Variants in CELF2 observed in about 807,000 individuals in gnomAD.
The protein encoded by CELF2 is CUG triplet repeat RNA-binding protein 2.
CELF2 carries 8 observed loss-of-function variants against 62.6 expected under a neutral mutation model. The observed-to-expected ratio is 0.13, with a 90% CI of 0.07 to 0.23. The LOEUF (loss-of-function observed/expected upper bound fraction) is 0.23, where lower values mean the gene tolerates loss of function less well. Among genes scored for constraint, CELF2 ranks in the 10% least tolerant of loss-of-function variants. CELF2 has a pLI of 1.00. For missense variants in CELF2, 333 were observed against 671.0 expected, an observed-to-expected ratio of 0.50 and a Z score of 5.56; for synonymous variants, 258 against 250.0, an observed-to-expected ratio of 1.03 and a Z score of -0.30.
In CELF2 at chr10:11,306,003, C is replaced by T. The variant is rs540776703; in HGVS notation, c.977-8136C>T. 2.5e-4 allele frequency among the ~76,000 whole-genome samples: 38 copies of T among 152,280 alleles called. No homozygotes were observed. The highest frequency in any genetic ancestry group is 8.4e-4 in the African/African-American group (35 of 41,518). On this transcript the variant is annotated intron_variant, in intron 9 of 12. Coordinates refer to ENST00000633077, the MANE Select transcript of CELF2 (RefSeq NM_001326342.2). The surrounding 1 kb of genome is among the most constrained non-coding windows in gnomAD (Gnocchi z 4.4). ...ATAAAACCATGGCCATCCTTGCCTG[C>T]TCAACCATTCTCTTTCCTGGCACGC...
Position 10,801,619 on chromosome 10 carries a change from G to C in CELF2, c.53+2802G>C, listed in dbSNP as rs144043751. On this transcript the variant is annotated intron_variant, in intron 1 of 13. Coordinates refer to the CELF2 transcript ENST00000636488. ...GTGAGAGGCCCCATTCTGGTAAAGA[G>C]AAAGAGCAGTTACTGTCCTCATCTG... Among the ~76,000 whole-genome samples the C allele has an allele frequency of 1.5e-4, 23 of 152,296 alleles. No individual in the cohort carries two copies. The East Asian group carries it at 4.4e-3, about 29-fold the overall frequency.
At chr10:10,725,853 C>G in the CELF2 span, among the ~76,000 whole-genome samples, 5 of 151,602 alleles carry the variant, frequency 3.3e-5, no homozygotes, top group African/African-American at 1.2e-4. Context: ...TTTATTTTGC[C>G]ATACCGATAG....
In CELF2 at chr10:11,280,982, CTGTGTGCG is replaced by C. The variant is rs1171633817; in HGVS notation, c.841+5869_841+5876del. 2.5e-5 allele frequency among the ~76,000 whole-genome samples: 3 copies of C among 119,874 alleles called. No individual in the cohort carries two copies. The highest frequency in any genetic ancestry group is 8.2e-5 in the Admixed American group (1 of 12,190). The allele number at this position is 119,874 out of a possible 152,430, so 78.6% of individuals were successfully genotyped here. ...CTGATGCTGGCGTGCGTGTGCATGC[CTGTGTGCG>C]TGTGTGTGTGTGTGTGTGTGTGTGT... is the stretch of plus-strand genomic sequence containing the variant. On this transcript the variant is annotated intron_variant, in intron 8 of 12. Transcript: ENST00000633077. The surrounding 1 kb of genome is among the most constrained non-coding windows in gnomAD (Gnocchi z 7.6).
At chr10:10,493,829 G>T in the CELF2 span, among the ~76,000 whole-genome samples, 2 of 152,280 alleles carry the variant, frequency 1.3e-5, no homozygotes, top group Admixed American at 1.3e-4. Context: ...ACCGTGCCCA[G>T]CTGCAAAAGC....
chr10:11,046,722 C>T lies in CELF2; in HGVS notation c.74+28559C>T, dbSNP rs2062924110. 6.6e-6 allele frequency among the ~76,000 whole-genome samples: 1 copy of T among 152,184 alleles called. No individual in the cohort carries two copies. Among genetic ancestry groups the T allele is most frequent in the Non-Finnish European group, 1.5e-5 (1 of 68,034 alleles). On this transcript the variant is annotated intron_variant, in intron 1 of 12. Coordinates refer to ENST00000633077, the MANE Select transcript of CELF2 (RefSeq NM_001326342.2). The surrounding 1 kb of genome is among the most constrained non-coding windows in gnomAD (Gnocchi z 4.6). ...CAGGAATGAGGATTCTCATACCTCCCAAAGAGTTTTTGTAAATCCCATGTC... is the reference window on the plus strand; with the variant it reads ...CAGGAATGAGGATTCTCATACCTCCTAAAGAGTTTTTGTAAATCCCATGTC...
At chr10:10,530,040 C>G in the CELF2 span, among the ~76,000 whole-genome samples, 2 of 152,320 alleles carry the variant, frequency 1.3e-5, no homozygotes, top group East Asian at 3.9e-4. Flanking sequence ...CACCATTCCC[C>G]TTCACACACA....
In CELF2 at chr10:11,266,591, C is replaced by T; in HGVS notation, c.539-7C>T. 1 of 1,613,152 alleles carries T rather than the reference C, an allele frequency of 6.2e-7. No individual in the cohort carries two copies. The highest frequency in any genetic ancestry group is 8.5e-7 in the Non-Finnish European group (1 of 1,179,200). On this transcript the variant is annotated splice_polypyrimidine_tract_variant and splice_region_variant and intron_variant, in intron 5 of 12. Coordinates refer to ENST00000633077, the MANE Select transcript of CELF2 (RefSeq NM_001326342.2). ...TTTCCTGCTCCCTGTCCCCTTGTTT[C>T]CCACAGGCTGTGCGTTTGTCACATT...
intron 1 of CELF2, among the ~76,000 whole-genome samples, chr10:10,856,146 T>G (rs1321862157): frequency 6.6e-6 from 1 of 152,210 alleles, no homozygotes; most frequent in African/African-American, 2.4e-5. Flanking sequence ...AATAAGGAAG[T>G]TGGTATTTCA....
At chr10:10,605,759 A>G in the CELF2 span, among the ~76,000 whole-genome samples, 63,935 of 152,098 alleles carry the variant, frequency 0.42, 14,144 homozygotes, top group South Asian at 0.67. Flanking sequence ...GGTCACATCC[A>G]TCCTGTGAGA....
At chr10:10,676,529 G>A in the CELF2 span, among the ~76,000 whole-genome samples, 2 of 152,196 alleles carry the variant, frequency 1.3e-5, no homozygotes, top group Non-Finnish European at 2.9e-5. Flanking sequence ...TTCACTGTGA[G>A]GATCTGGTCA....
chr10:10,677,666 C>A, the CELF2 span, among the ~76,000 whole-genome samples: 2 of 152,162 alleles, frequency 1.3e-5, no homozygotes, highest in Non-Finnish European at 2.9e-5. Context: ...TGCGGTAGTG[C>A]CACCCAGTGG....
In CELF2 at chr10:11,017,991, G is replaced by A. The variant is rs2057540987; in HGVS notation, c.-99G>A. On this transcript the variant is annotated 5_prime_UTR_variant, in exon 1 of 13. Transcript: ENST00000633077. This position sits in a 1 kb window ranked among gnomAD's most constrained non-coding sequence, Gnocchi z 5.5. ...TGCCGGCTCGGCGGCCGCCGGGGGA[G>A]GCCGCGCGCACCTGTCCCTGCCCGT... 2 of 996,636 alleles carry A rather than the reference G, an allele frequency of 2.0e-6. No homozygotes were observed. Among genetic ancestry groups the A allele is most frequent in the Middle Eastern group, 4.7e-4 (1 of 2,144 alleles). 61.7% of individuals were successfully genotyped at this position (996,636 alleles called of 1,614,324 possible). A position where few individuals can be genotyped will look rare whatever the true frequency, so the allele number is the denominator to read the frequency against.
the CELF2 span, among the ~76,000 whole-genome samples, chr10:10,731,368 G>T: frequency 6.6e-6 from 1 of 152,106 alleles, no homozygotes; most frequent in Non-Finnish European, 1.5e-5. Flanking sequence ...TTCAGGTAGA[G>T]TATTGTTTTC....
the CELF2 span, among the ~76,000 whole-genome samples, chr10:10,545,928 A>G: frequency 6.6e-6 from 1 of 152,110 alleles, no homozygotes; most frequent in Non-Finnish European, 1.5e-5. Context: ...AAGCACCAAG[A>G]CACGTGGGGA....
chr10:10,696,301 C>A, the CELF2 span, among the ~76,000 whole-genome samples: 1 of 152,010 alleles, frequency 6.6e-6, no homozygotes, highest in African/African-American at 2.4e-5. Context: ...GGGTGCCTCC[C>A]AGTTAGGCTG....
At chr10:10,677,323 G>A in the CELF2 span, among the ~76,000 whole-genome samples, 3 of 152,150 alleles carry the variant, frequency 2.0e-5, no homozygotes, top group African/African-American at 4.8e-5. Flanking sequence ...GCTGCTAAAA[G>A]GTCCTGGCAT....
Position 11,270,808 on chromosome 10 carries a change from C to G in CELF2, c.761C>G (p.Thr254Ser). 1 of 1,462,264 alleles carries G rather than the reference C, an allele frequency of 6.8e-7. No homozygotes were observed. The highest frequency in any genetic ancestry group is 9.1e-7 in the Non-Finnish European group (1 of 1,097,730). The allele number at this position is 1,462,264 out of a possible 1,614,324, so 90.6% of individuals were successfully genotyped here. A position where few individuals can be genotyped will look rare whatever the true frequency, so the allele number is the denominator to read the frequency against. The change falls in exon 7 of 13, where the codon ACC (threonine) becomes AGC (serine). Residue 254 changes from threonine to serine, a missense_variant. Physicochemically the swap from Thr to Ser is moderately conservative, Grantham distance 58. Coordinates refer to ENST00000633077, the MANE Select transcript of CELF2 (RefSeq NM_001326342.2). This position sits in a 1 kb window ranked among gnomAD's most constrained non-coding sequence, Gnocchi z 5.8. ...WGNLTGLGGL[T>S]PQYLALLQQA... is the part of the protein sequence containing the mutation. ...AACCTGACAGGGCTGGGCGGACTGA[C>G]CCCACAGTATCTGGCGGTAAGTGCT...
chr10:10,937,902 C>T (rs1164385325), intron 2 of CELF2, among the ~76,000 whole-genome samples: 1 of 151,802 alleles, frequency 6.6e-6, no homozygotes, highest in Non-Finnish European at 1.5e-5. Context: ...AAATTGATTC[C>T]TGGAAACTGA....
chr10:11,001,897 G>T (rs75612237), upstream of CELF2, among the ~76,000 whole-genome samples: 66 of 152,174 alleles, frequency 4.3e-4, 1 homozygote, highest in East Asian at 0.011. Flanking sequence ...GCCCCCAAAA[G>T]TTGTTAGTCT....
Sources: allele counts gnomAD v4.1 joint callset (sites outside exome capture counted in the v4.1 genomes callset), GRCh38; gene constraint gnomAD v4.1.1; non-coding constraint Gnocchi (gnomAD v3.1); transcripts MANE v1.5; gene names NCBI Gene and HGNC (gene_info 2026-07-23, HGNC 2026-07-21).